ZNF654: variants seen among roughly 807,000 people sequenced by gnomAD.
ZNF654 encodes melanoma-associated antigen.
ZNF654 carries 19 observed loss-of-function variants against 95.3 expected under a neutral mutation model. That is an observed-to-expected ratio of 0.20 (90% CI 0.14 to 0.29). The LOEUF (loss-of-function observed/expected upper bound fraction) is 0.29. ZNF654 is among the 10% of genes least tolerant of loss of function. The pLI is 1.00. For synonymous variants in ZNF654, 413 were observed against 457.9 expected, an observed-to-expected ratio of 0.90 and a Z score of 1.25; for missense variants, 1,046 against 1,341.0, an observed-to-expected ratio of 0.78 and a Z score of 3.44.
chr3:88,084,176 T>C lies in ZNF654; in HGVS notation c.187-2081T>C, dbSNP rs374678169. ...GCCTCAGCTAGACTAGGCAAATACATTGGTAGCCAAACCTGGATGAATGAA... is the reference window on the plus strand; with the variant it reads ...GCCTCAGCTAGACTAGGCAAATACACTGGTAGCCAAACCTGGATGAATGAA... On this transcript the variant is annotated intron_variant, in intron 1 of 8. Transcript: ENST00000636215. Among the ~76,000 whole-genome samples, 809 of 152,232 alleles carry C rather than the reference T, an allele frequency of 5.3e-3. 5 individuals carry two copies. Among genetic ancestry groups the C allele is most frequent in the African/African-American group, 0.017 (695 of 41,548 alleles).
chr3:88,062,118 C>G (rs555813595), intron 1 of ZNF654, among the ~76,000 whole-genome samples: 1 of 152,256 alleles, frequency 6.6e-6, no homozygotes, highest in African/African-American at 2.4e-5. Flanking sequence ...TCCCTTGGCT[C>G]TTGTTAGCTG....
chr3:88,133,152 G>A (rs544328041), intron 6 of ZNF654, among the ~76,000 whole-genome samples: 13 of 152,058 alleles, frequency 8.5e-5, no homozygotes, highest in Non-Finnish European at 1.6e-4. Context: ...TCACTTTCCC[G>A]CCCCTGAATT....
rs1706944431 is a variant in ZNF654 at position 88,138,585 on chromosome 3, G to A, written c.1036-120G>A. On this transcript the variant is annotated intron_variant, in intron 7 of 8. Transcript: ENST00000636215. ...CAAGGCTACTAAATATGGAAAATTG[G>A]ACATTGGAATACTATGTTTATTCAG... is the stretch of plus-strand genomic sequence containing the variant. 5 of 520,896 alleles carry A rather than the reference G, an allele frequency of 9.6e-6. No individual in the cohort carries two copies. The Admixed American group carries it at 2.2e-4, about 23-fold the overall frequency. 32.3% of individuals were successfully genotyped at this position (520,896 alleles called of 1,614,324 possible).
intron 5 of ZNF654, among the ~76,000 whole-genome samples, chr3:88,129,453 C>T (rs1354144937): frequency 6.6e-6 from 1 of 151,118 alleles, no homozygotes; most frequent in South Asian, 2.1e-4. Context: ...TAATATGGAT[C>T]GTATGTACCT....
At chr3:88,084,057 A>G (rs1708220909) in intron 1 of ZNF654, among the ~76,000 whole-genome samples, 2 of 152,162 alleles carry the variant, frequency 1.3e-5, no homozygotes, top group South Asian at 2.1e-4. Flanking sequence ...AACGGTATCT[A>G]AATTTCAGTT....
At chr3:88,077,876 C>T (rs1456573196) in intron 1 of ZNF654, among the ~76,000 whole-genome samples, 1 of 152,120 alleles carries the variant, frequency 6.6e-6, no homozygotes, top group Non-Finnish European at 1.5e-5. Context: ...ATTCTGTATA[C>T]TCTGTGTTGT....
At chr3:88,084,638 C>A (rs1380293988) in intron 1 of ZNF654, among the ~76,000 whole-genome samples, 5 of 152,106 alleles carry the variant, frequency 3.3e-5, no homozygotes, top group Non-Finnish European at 7.4e-5. Context: ...CCTGGTACTG[C>A]CATTTGGAAT....
intron 3 of ZNF654, among the ~76,000 whole-genome samples, chr3:88,125,823 G>A (rs1303789515): frequency 6.6e-6 from 1 of 152,038 alleles, no homozygotes; most frequent in Admixed American, 6.6e-5. Context: ...AAATTTAACT[G>A]AACATTTAAG....
chr3:88,109,815 ATATAT>A (rs1704981601), intron 2 of ZNF654, among the ~76,000 whole-genome samples: 5 of 152,306 alleles, frequency 3.3e-5, no homozygotes, highest in African/African-American at 1.2e-4. Context: ...GTAAAAAATA[ATATAT>A]TAAACACATT....
intron 1 of ZNF654, among the ~76,000 whole-genome samples, chr3:88,063,446 T>C (rs527659222): frequency 1.8e-4 from 28 of 152,282 alleles, no homozygotes; most frequent in African/African-American, 6.3e-4. Flanking sequence ...TATTATAAAA[T>C]ACATTCTAAT....
chr3:88,060,423 T>A (rs1452835554), intron 1 of ZNF654, among the ~76,000 whole-genome samples: 1 of 152,224 alleles, frequency 6.6e-6, no homozygotes, highest in Admixed American at 6.5e-5. Flanking sequence ...TACCTGCATT[T>A]GTAATTTAAA....
intron 2 of ZNF654, among the ~76,000 whole-genome samples, chr3:88,088,459 A>G (rs1708450184): frequency 6.6e-6 from 1 of 152,222 alleles, no homozygotes; most frequent in Non-Finnish European, 1.5e-5. Context: ...TAAAAACATC[A>G]GTATCACGCT....
rs1411143689 is a variant in ZNF654, at chr3:88,129,712, G to C, written c.779G>C (p.Ser260Thr). 1 of 1,507,904 alleles carries C rather than the reference G, an allele frequency of 6.6e-7. No homozygotes were observed. The highest frequency in any genetic ancestry group is 2.0e-5 in the Admixed American group (1 of 48,976). 93.4% of individuals were successfully genotyped at this position (1,507,904 alleles called of 1,614,324 possible). ...REHLLKTDCKSGIDIICNAEK... is the reference protein window; with the variant it reads ...REHLLKTDCKTGIDIICNAEK... ...CATTTATTGAAAACTGATTGTAAGA[G>C]TGGAATTGATATCATCTGTAATGCT... is the stretch of plus-strand genomic sequence containing the variant. The change falls in exon 6 of 9, where the codon AGT (serine) becomes ACT (threonine). Residue 260 changes from serine (S) to threonine (T), a missense_variant. Ser to Thr is a moderately conservative substitution (Grantham distance 58). This residue lies in a region of ZNF654 where 121 missense variants were observed against 141.7 expected (regional missense o/e 0.85). Coordinates refer to ENST00000636215, the MANE Select transcript of ZNF654 (RefSeq NM_001350134.2).
intron 2 of ZNF654, among the ~76,000 whole-genome samples, chr3:88,092,137 C>T (rs1038418473): frequency 6.6e-6 from 1 of 151,932 alleles, no homozygotes; most frequent in African/African-American, 2.4e-5. Flanking sequence ...ATTTTCCATA[C>T]CAGAAGAAAA....
intron 6 of ZNF654, among the ~76,000 whole-genome samples, chr3:88,132,250 C>CTGTAT (rs1377355601): frequency 5.9e-5 from 9 of 151,940 alleles, no homozygotes; most frequent in Non-Finnish European, 1.3e-4. Flanking sequence ...AAAAAAAATT[C>CTGTAT]TGTATTGTAA....
intron 3 of ZNF654, among the ~76,000 whole-genome samples, chr3:88,119,004 A>G (rs1705587878): frequency 1.3e-5 from 2 of 148,252 alleles, no homozygotes; most frequent in South Asian, 2.2e-4. Context: ...AGAACTGGAA[A>G]TACCATTTGA....
intron 1 of ZNF654, among the ~76,000 whole-genome samples, chr3:88,080,294 A>G (rs1225194507): frequency 1.3e-5 from 2 of 152,142 alleles, no homozygotes. Context: ...GAACCAGTTC[A>G]TACTGATGTA....
intron 1 of ZNF654, among the ~76,000 whole-genome samples, chr3:88,085,943 T>C (rs186457469): frequency 6.6e-6 from 1 of 152,314 alleles, no homozygotes; most frequent in Non-Finnish European, 1.5e-5. Context: ...TATTTTAATA[T>C]TGAATAATTG....
In ZNF654 at chr3:88,129,768, C is replaced by A; in HGVS notation, c.835C>A (p.Gln279Lys). 9 of 1,528,234 alleles carry A rather than the reference C, an allele frequency of 5.9e-6. No homozygotes were observed. Among genetic ancestry groups the A allele is most frequent in the Non-Finnish European group, 7.0e-6 (8 of 1,141,510 alleles). 94.7% of individuals were successfully genotyped at this position (1,528,234 alleles called of 1,614,324 possible). Reference protein sequence around the residue: ...EKEGKTMLALQLCESFLIPQL... With the variant: ...EKEGKTMLALKLCESFLIPQL... Reference sequence around the variant, plus strand: ...AGAAGGCAAAACTATGTTAGCCTTGCAACTCTGTGAATCCTTTCTTATTCC... The same window carrying A: ...AGAAGGCAAAACTATGTTAGCCTTGAAACTCTGTGAATCCTTTCTTATTCC... The change falls in exon 6 of 9, where the codon CAA (glutamine) becomes AAA (lysine). Residue 279 changes from glutamine (Q) to lysine (K), a missense_variant. Physicochemically the swap from Gln to Lys is moderately conservative, Grantham distance 53. Coordinates refer to ENST00000636215, the MANE Select transcript of ZNF654 (RefSeq NM_001350134.2).
Sources: gnomAD v4.1 joint callset for allele counts (sites outside exome capture counted in the v4.1 genomes callset) on GRCh38, gnomAD v4.1.1 for gene constraint, gnomAD v4.1.1 regional missense constraint, MANE v1.5 for transcripts, NCBI Gene and HGNC (gene_info 2026-07-23, HGNC 2026-07-21) for gene names.